The following MXRA7 variants were observed in gnomAD, a reference collection of about 807,000 sequenced individuals.
MXRA7 encodes the protein matrix remodeling associated 7.
MXRA7 carries 18 observed loss-of-function variants against 17.4 expected under a neutral mutation model. The observed-to-expected ratio is 1.03, with a 90% confidence interval of 0.71 to 1.53. The LOEUF (loss-of-function observed/expected upper bound fraction) is 1.53. Ranked by LOEUF, MXRA7 falls within the 40% of genes most tolerant of loss-of-function variation. MXRA7 has a pLI of 0.00. For missense variants in MXRA7, 141 were observed against 209.3 expected (o/e 0.67, Z 2.01); for synonymous variants, 70 against 101.7 (o/e 0.69, Z 1.87).
chr17:76,702,012 A>G (rs1240817665), intron 1 of MXRA7, among the ~76,000 whole-genome samples: 1 of 152,254 alleles, frequency 6.6e-6, no homozygotes, highest in Non-Finnish European at 1.5e-5. Flanking sequence ...TTGGGCAGCA[A>G]TCTGTACTCT....
intron 1 of MXRA7, among the ~76,000 whole-genome samples, chr17:76,693,805 C>T (rs1039594779): frequency 6.6e-6 from 1 of 152,226 alleles, no homozygotes; most frequent in Non-Finnish European, 1.5e-5. Context: ...CACACCACTA[C>T]ACTCCAGCCT....
In MXRA7 at chr17:76,684,852, G is replaced by A. The variant is rs377310301; in HGVS notation, c.500+220C>T. ...CCCCATCACCAGTGGCCTCCTTCTG[G>A]TCAGTGCCAGGGAGGGGTGCCAGGG... On this transcript the variant is annotated intron_variant, in intron 3 of 3. Transcript: ENST00000449428. Among the ~76,000 whole-genome samples, 3 of 152,250 alleles carry A rather than the reference G, an allele frequency of 2.0e-5. No individual in the cohort carries two copies. In the East Asian group the frequency reaches 5.8e-4, roughly 29 times the overall value.
downstream of MXRA7, chr17:76,674,743 T>C (rs1359583575): frequency 1.3e-5 from 2 of 152,270 alleles, no homozygotes; most frequent in African/African-American, 4.8e-5. Context: ...CCAATCATGC[T>C]GGTCCCATGT....
chr17:76,678,917 T>C (rs558788869), downstream of MXRA7, among the ~76,000 whole-genome samples: 1 of 152,276 alleles, frequency 6.6e-6, no homozygotes, highest in East Asian at 1.9e-4. Context: ...CAGCCTCCCT[T>C]GTCCCCTGGG....
chr17:76,675,832 C>T (rs979515244), downstream of MXRA7: 2 of 152,268 alleles, frequency 1.3e-5, no homozygotes, highest in African/African-American at 4.8e-5. Flanking sequence ...CCCGAAAAAC[C>T]CCTGGCAGGC....
At chr17:76,706,836 A>G (rs1207338394) in intron 1 of MXRA7, among the ~76,000 whole-genome samples, 1 of 152,184 alleles carries the variant, frequency 6.6e-6, no homozygotes, top group East Asian at 1.9e-4. Flanking sequence ...ACCTACAGAA[A>G]AGTTGAAATA....
chr17:76,684,926 A>G, intron 3 of MXRA7, 146 bp downstream of exon 3: 1 of 702,698 alleles, frequency 1.4e-6, no homozygotes, highest in East Asian at 2.5e-5. Flanking sequence ...TAAACTGGGA[A>G]GGTGGGGCGG....
intron 1 of MXRA7, among the ~76,000 whole-genome samples, chr17:76,708,540 A>G: frequency 6.6e-6 from 1 of 152,206 alleles, no homozygotes; most frequent in East Asian, 1.9e-4. Flanking sequence ...CATCAGAAGA[A>G]AGCACTGGAA....
At position 76,680,063 on chromosome 17, in the gene MXRA7, T is replaced by C. The variant is rs2143565789; in HGVS notation, c.*804A>G. ...AAATTCCAAGAAACCCATTTGAGAC[T>C]GATCTGATGATCTGAAGTTCTAACT... On this transcript the variant is annotated 3_prime_UTR_variant, in exon 4 of 4. Coordinates refer to ENST00000449428, the MANE Select transcript of MXRA7 (RefSeq NM_198530.4). 5 of 975,042 alleles carry C rather than the reference T, an allele frequency of 5.1e-6. No individual in the cohort carries two copies. In the South Asian group the frequency reaches 2.4e-4, roughly 46 times the overall value. 60.4% of individuals were successfully genotyped at this position (975,042 alleles called of 1,614,324 possible).
intron 3 of MXRA7, chr17:76,684,674 C>G: frequency 2.2e-6 from 1 of 445,090 alleles, no homozygotes; most frequent in Non-Finnish European, 4.5e-6. Context: ...CGCTGTGTCC[C>G]GAAGGAGAAA....
chr17:76,698,035 G>A (rs986507308), intron 1 of MXRA7, among the ~76,000 whole-genome samples: 7 of 152,282 alleles, frequency 4.6e-5, no homozygotes, highest in Admixed American at 4.6e-4. Context: ...CTGCTGTGGG[G>A]CAGTGCAAAG....
chr17:76,683,386 C>T (rs1253947469), intron 3 of MXRA7, among the ~76,000 whole-genome samples: 1 of 152,178 alleles, frequency 6.6e-6, no homozygotes, highest in Non-Finnish European at 1.5e-5. Flanking sequence ...TGTCTGCTAA[C>T]CCTTGCCCTG....
chr17:76,676,275 T>C (rs2076240633), downstream of MXRA7: 1 of 152,238 alleles, frequency 6.6e-6, no homozygotes, highest in Admixed American at 6.5e-5. Flanking sequence ...TTGAGTATTT[T>C]ATTTCTTCTG....
chr17:76,697,979 TAG>T (rs1378032096), intron 1 of MXRA7, among the ~76,000 whole-genome samples: 1 of 150,916 alleles, frequency 6.6e-6, no homozygotes, highest in Non-Finnish European at 1.5e-5. Context: ...GAGAGAGTGA[TAG>T]AGACAGATTT....
At chr17:76,680,919 C>T in intron 3 of MXRA7, 40 bp from the exon 4 acceptor site, 1 of 1,520,884 alleles carries the variant, frequency 6.6e-7, no homozygotes, top group Non-Finnish European at 9.1e-7. Context: ...ATTTATTTTA[C>T]TCATTCCATC....
chr17:76,692,018 G>A (rs1368970490), intron 1 of MXRA7, among the ~76,000 whole-genome samples: 2 of 152,082 alleles, frequency 1.3e-5, no homozygotes, highest in Admixed American at 1.3e-4. Flanking sequence ...ATCAGCTGAC[G>A]TGCCCAAGCC....
chr17:76,690,795 C>A (rs1243852455), intron 1 of MXRA7, among the ~76,000 whole-genome samples: 1 of 152,036 alleles, frequency 6.6e-6, no homozygotes, highest in Admixed American at 6.6e-5. Flanking sequence ...GCAGTCTTGA[C>A]CTCCAGGGCT....
At chr17:76,678,582 GT>G (rs1419474539), downstream of MXRA7, among the ~76,000 whole-genome samples, 2 of 152,220 alleles carry the variant, frequency 1.3e-5, no homozygotes, top group African/African-American at 4.8e-5. Context: ...GGTTTCTGCA[GT>G]TCCTGCCCCC....
chr17:76,705,686 C>A (rs1330276770), intron 1 of MXRA7, among the ~76,000 whole-genome samples: 1 of 152,190 alleles, frequency 6.6e-6, no homozygotes, highest in African/African-American at 2.4e-5. Context: ...ACATCCCTCT[C>A]TCTCTGGCAT....
Sources: allele counts gnomAD v4.1 joint callset (sites outside exome capture counted in the v4.1 genomes callset), GRCh38; gene constraint gnomAD v4.1.1; transcripts MANE v1.5; gene names NCBI Gene and HGNC (gene_info 2026-07-23, HGNC 2026-07-21).